Variants in SQOR observed in about 807,000 individuals in gnomAD.
SQOR encodes sulfide:quinone oxidoreductase, mitochondrial.
SQOR carries 39 observed loss-of-function variants against 48.6 expected under a neutral mutation model. That is an observed-to-expected ratio of 0.80 (90% confidence interval 0.62 to 1.05). The LOEUF is 1.05. Ranked by LOEUF, SQOR falls within the 50% of genes least tolerant of loss-of-function variation. SQOR has a pLI of 0.00. For synonymous variants in SQOR, 220 were observed against 206.2 expected (o/e 1.07, Z -0.57); for missense variants, 561 against 559.9 (o/e 1.00, Z -0.02).
rs147654674 is a variant in SQOR at position 45,690,064 on chromosome 15, G to A, written c.1295+847G>A. Among the ~76,000 whole-genome samples the A allele has an allele frequency of 6.4e-4, 95 of 148,244 alleles. 1 individual carries two copies. In the East Asian group the frequency reaches 0.016, roughly 26 times the overall value. The stretch of plus-strand genomic sequence containing the variant: ...AATAAGTAAATAGAGTAATAAAAAC[G>A]AGTAATTCCTCTTCCTCCTTTTTTT... On this transcript the variant is annotated intron_variant, in intron 9 of 9. Coordinates refer to ENST00000260324, the MANE Select transcript of SQOR (RefSeq NM_021199.4).
chr15:45,686,641 C>T (rs912338689), intron 7 of SQOR, among the ~76,000 whole-genome samples: 1 of 152,114 alleles, frequency 6.6e-6, no homozygotes, highest in Non-Finnish European at 1.5e-5. Flanking sequence ...TTTGATTTGC[C>T]GTGGGCCCAC....
chr15:45,634,594 T>G (rs1354665767), upstream of SQOR: 1 of 152,186 alleles, frequency 6.6e-6, no homozygotes, highest in African/African-American at 2.4e-5. Flanking sequence ...GGAATACCTG[T>G]GTTTCTGGGC....
chr15:45,687,302 G>C (rs1332420563), intron 7 of SQOR, among the ~76,000 whole-genome samples: 1 of 150,676 alleles, frequency 6.6e-6, no homozygotes, highest in African/African-American at 2.4e-5. Flanking sequence ...AGTAGAGATG[G>C]GGTTTCATCA....
At chr15:45,637,719 C>T (rs1024788596) in intron 1 of SQOR, among the ~76,000 whole-genome samples, 1 of 152,232 alleles carries the variant, frequency 6.6e-6, no homozygotes, top group Admixed American at 6.5e-5. Context: ...TGAAAGGAAA[C>T]CGGATTCCTT....
At chr15:45,651,868 C>G (rs1889497961) in intron 1 of SQOR, among the ~76,000 whole-genome samples, 2 of 151,852 alleles carry the variant, frequency 1.3e-5, no homozygotes, top group Admixed American at 1.3e-4. Flanking sequence ...TTCTCCTTCT[C>G]CTCCTTCTCC....
At chr15:45,649,347 G>A (rs1032768743) in intron 1 of SQOR, among the ~76,000 whole-genome samples, 1 of 152,208 alleles carries the variant, frequency 6.6e-6, no homozygotes, top group Non-Finnish European at 1.5e-5. Context: ...TCCTTTGAAG[G>A]AGGGACACAA....
chr15:45,685,586 C>T (rs955192315), intron 7 of SQOR, among the ~76,000 whole-genome samples: 2 of 152,150 alleles, frequency 1.3e-5, no homozygotes, highest in Non-Finnish European at 2.9e-5. Flanking sequence ...CACGCCTGCA[C>T]CCATGCACAC....
chr15:45,686,276 T>C (rs1309443183), intron 7 of SQOR, among the ~76,000 whole-genome samples: 1 of 152,080 alleles, frequency 6.6e-6, no homozygotes, highest in African/African-American at 2.4e-5. Context: ...CTTAGCCTCC[T>C]GAGTAGCTAG....
Position 45,689,076 on chromosome 15 carries a change from A to G in SQOR, c.1154A>G (p.Tyr385Cys), listed in dbSNP as rs761114255. Residue 385 changes from tyrosine to cysteine, a missense_variant, in exon 9 of 10, where the codon TAC (tyrosine) becomes TGC (cysteine). Coordinates refer to ENST00000260324, the MANE Select transcript of SQOR (RefSeq NM_021199.4). ...GYTSCPLVTGYNRVILAEFDY... is the reference protein window; with the variant it reads ...GYTSCPLVTGCNRVILAEFDY... Reference sequence around the variant, plus strand: ...ACATCATGTCCACTGGTGACCGGCTACAACCGTGTGATTCTTGCTGAGTTT... The same window carrying G: ...ACATCATGTCCACTGGTGACCGGCTGCAACCGTGTGATTCTTGCTGAGTTT... 6.2e-7 allele frequency: 1 copy of G among 1,614,200 alleles called. No homozygotes were observed. The highest frequency in any genetic ancestry group is 8.5e-7 in the Non-Finnish European group (1 of 1,180,030).
intron 1 of SQOR, among the ~76,000 whole-genome samples, chr15:45,647,574 G>A (rs112906858): frequency 9.2e-5 from 14 of 151,792 alleles, no homozygotes; most frequent in African/African-American, 2.4e-4. Flanking sequence ...CAGTGCGCCC[G>A]CCTTGGCCTC....
chr15:45,665,176 G>A (rs1889791776), intron 3 of SQOR, among the ~76,000 whole-genome samples: 1 of 152,198 alleles, frequency 6.6e-6, no homozygotes, highest in African/African-American at 2.4e-5. Context: ...GGCACTACTA[G>A]GTGTTCTCAC....
chr15:45,638,627 G>C (rs898449822), intron 1 of SQOR, among the ~76,000 whole-genome samples: 14 of 151,980 alleles, frequency 9.2e-5, no homozygotes, highest in African/African-American at 3.4e-4. Context: ...AGGGGGCTGA[G>C]GCATGAGACT....
chr15:45,689,403 C>A, intron 9 of SQOR, 186 bp downstream of exon 9: 8 of 470,062 alleles, frequency 1.7e-5, no homozygotes, highest in Non-Finnish European at 2.6e-5. Flanking sequence ...AGTACTCTAT[C>A]ATCTGCTACC....
At chr15:45,680,255 C>T (rs188448761) in intron 6 of SQOR, among the ~76,000 whole-genome samples, 387 of 151,900 alleles carry the variant, frequency 2.5e-3, no homozygotes, top group Non-Finnish European at 4.1e-3. Flanking sequence ...CTACCATGCC[C>T]GGGTAATTTT....
chr15:45,682,969 G>GC (rs1161290296), intron 7 of SQOR, among the ~76,000 whole-genome samples: 1 of 150,352 alleles, frequency 6.7e-6, no homozygotes, highest in Non-Finnish European at 1.5e-5. Flanking sequence ...GGAGGTTGCA[G>GC]TGAGCCAAGA....
At chr15:45,678,295 C>T (rs1394901507) in intron 6 of SQOR, among the ~76,000 whole-genome samples, 4 of 152,192 alleles carry the variant, frequency 2.6e-5, no homozygotes, top group African/African-American at 9.7e-5. Flanking sequence ...CAAATCTTTA[C>T]TATGGTGGTT....
At chr15:45,685,173 T>C (rs1251527526) in intron 7 of SQOR, among the ~76,000 whole-genome samples, 12 of 152,218 alleles carry the variant, frequency 7.9e-5, no homozygotes, top group Admixed American at 6.5e-4. Flanking sequence ...ACCAAGCTAA[T>C]ATTTCACCTG....
At chr15:45,639,205 G>A (rs1259750517) in intron 1 of SQOR, among the ~76,000 whole-genome samples, 4 of 152,192 alleles carry the variant, frequency 2.6e-5, no homozygotes, top group African/African-American at 9.6e-5. Context: ...CAGACACCCT[G>A]TGTGGTCCCT....
Position 45,685,373 on chromosome 15 carries a change from C to T in SQOR, c.1048+2712C>T, listed in dbSNP as rs151077395. 6.1e-3 allele frequency among the ~76,000 whole-genome samples: 924 copies of T among 152,260 alleles called. 11 individuals carry two copies. The highest frequency in any genetic ancestry group is 0.021 in the African/African-American group (882 of 41,528). ...CCAATCCTCTGTTCAGACCCTTATG[C>T]GATTGTGAGCGAGACCCATCTTGCC... On this transcript the variant is annotated intron_variant, in intron 7 of 9. Coordinates refer to ENST00000260324, the MANE Select transcript of SQOR (RefSeq NM_021199.4).
Sources: allele counts gnomAD v4.1 joint callset (sites outside exome capture counted in the v4.1 genomes callset), GRCh38; gene constraint gnomAD v4.1.1; transcripts MANE v1.5; gene names NCBI Gene and HGNC (gene_info 2026-07-23, HGNC 2026-07-21).